ZC3H4: variants seen among roughly 807,000 people sequenced by gnomAD.
ZC3H4 encodes zinc finger CCCH-type containing 4, also known as zinc finger CCCH domain-containing protein 4.
ZC3H4 carries 13 observed loss-of-function variants against 108.3 expected under a neutral mutation model. That is an observed-to-expected ratio of 0.12 (90% CI 0.08 to 0.19). The LOEUF is 0.19. Among genes scored for constraint, ZC3H4 ranks in the 10% least tolerant of loss-of-function variants. The pLI is 1.00. For synonymous variants in ZC3H4, 917 were observed against 749.6 expected, an observed-to-expected ratio of 1.22 and a Z score of -3.65; for missense variants, 1,734 against 1,838.8, an observed-to-expected ratio of 0.94 and a Z score of 1.04.
intron 5 of ZC3H4, 38 bp downstream of exon 5, chr19:47,089,911 GGTTGGCCCGGGTGGCTCC>G: frequency 6.3e-7 from 1 of 1,587,620 alleles, no homozygotes; most frequent in South Asian, 1.1e-5. Context: ...AGGCCACCGG[GGTTGGCCCGGGTGGCTCC>G]GATGCCCCAG....
In ZC3H4 at chr19:47,075,738, C is replaced by T. The variant is rs996382125; in HGVS notation, c.1441-3025G>A. ...AAGGCACAGAGATTTATTGAGTGAA[C>T]GACTAAGCAAGGAACACAAACCAAT... On this transcript the variant is annotated intron_variant, in intron 11 of 14. Transcript: ENST00000253048. Among the ~76,000 whole-genome samples the T allele has an allele frequency of 4.6e-5, 7 of 152,288 alleles. No individual in the cohort carries two copies. The South Asian group carries it at 6.2e-4, about 14-fold the overall frequency.
Position 47,066,283 on chromosome 19 carries a change from A to C in ZC3H4, c.*73T>G. The C allele has an allele frequency of 7.8e-7, 1 of 1,288,800 alleles. No homozygotes were observed. Among genetic ancestry groups the C allele is most frequent in the Non-Finnish European group, 1.0e-6 (1 of 983,100 alleles). The allele number at this position is 1,288,800 out of a possible 1,614,324, so 79.8% of individuals were successfully genotyped here. On this transcript the variant is annotated 3_prime_UTR_variant, in exon 15 of 15. Coordinates refer to ENST00000253048, the MANE Select transcript of ZC3H4 (RefSeq NM_015168.2). ...CCCAGCCTGCCTCCCCTTGCCCCCA[A>C]GTTCCCTACCCTGGGTGCTGCCCTG...
intron 2 of ZC3H4, among the ~76,000 whole-genome samples, chr19:47,107,194 A>G (rs1268028345): frequency 6.6e-6 from 1 of 152,212 alleles, no homozygotes; most frequent in Non-Finnish European, 1.5e-5. Context: ...CCAGAACCCT[A>G]AGAGATGAAA....
At chr19:47,074,552 T>A (rs2057384291) in intron 11 of ZC3H4, among the ~76,000 whole-genome samples, 1 of 152,176 alleles carries the variant, frequency 6.6e-6, no homozygotes, top group Non-Finnish European at 1.5e-5. Flanking sequence ...TCGGCTGGTG[T>A]CTGGGAAGCT....
chr19:47,104,062 T>C (rs1400888524), intron 2 of ZC3H4, among the ~76,000 whole-genome samples: 6 of 152,198 alleles, frequency 3.9e-5, no homozygotes, highest in Non-Finnish European at 5.9e-5. Context: ...CTCACGCCTG[T>C]AATCCCAGCA....
intron 14 of ZC3H4, 107 bp downstream of exon 14, chr19:47,068,985 C>A: frequency 6.4e-7 from 1 of 1,564,224 alleles, no homozygotes; most frequent in South Asian, 1.2e-5. Flanking sequence ...CCTCCCTAGC[C>A]ATGGGCTCCT....
chr19:47,094,676 G>C, intron 2 of ZC3H4, 68 bp from the exon 3 acceptor site: 1 of 1,540,602 alleles, frequency 6.5e-7, no homozygotes, highest in South Asian at 1.2e-5. Flanking sequence ...GCTCTGGGCT[G>C]GCCAAGGCTG....
intron 11 of ZC3H4, among the ~76,000 whole-genome samples, chr19:47,076,169 G>T (rs756585691): frequency 6.6e-6 from 1 of 152,174 alleles, no homozygotes; most frequent in African/African-American, 2.4e-5. Context: ...GTCCTTCAAC[G>T]GATGACTGGA....
chr19:47,084,952 G>T lies in ZC3H4; in HGVS notation c.1107+104C>A, dbSNP rs981326126. 7.4e-6 allele frequency: 11 copies of T among 1,493,652 alleles called. No individual in the cohort carries two copies. The African/African-American group carries it at 9.6e-5, about 13-fold the overall frequency. The allele number at this position is 1,493,652 out of a possible 1,614,324, so 92.5% of individuals were successfully genotyped here. A position where few individuals can be genotyped will look rare whatever the true frequency, so the allele number is the denominator to read the frequency against. ...ACACTGGCCAGCCCTTTGGGGGGTG[G>T]CTGATGGCAGCAAGGATCAGCTTCA... On this transcript the variant is annotated intron_variant, in intron 8 of 14. Transcript: ENST00000253048.
At chr19:47,069,037 C>G in intron 14 of ZC3H4, 55 bp downstream of exon 14, 1 of 1,598,416 alleles carries the variant, frequency 6.3e-7, no homozygotes, top group Non-Finnish European at 8.5e-7. Flanking sequence ...ACCACCGCCG[C>G]TCCCCTGCAC....
intron 5 of ZC3H4, 115 bp downstream of exon 5, chr19:47,089,852 G>T: frequency 9.4e-7 from 1 of 1,062,842 alleles, no homozygotes; most frequent in Non-Finnish European, 1.4e-6. Flanking sequence ...GCCCTTCTTT[G>T]TACACTTATC....
At chr19:47,099,865 A>G (rs1369900257) in intron 2 of ZC3H4, among the ~76,000 whole-genome samples, 1 of 150,884 alleles carries the variant, frequency 6.6e-6, no homozygotes, top group African/African-American at 2.4e-5. Flanking sequence ...AACACAAAAG[A>G]TGGAAACTCA....
chr19:47,087,714 C>T (rs1472379034), intron 5 of ZC3H4, among the ~76,000 whole-genome samples: 1 of 151,888 alleles, frequency 6.6e-6, no homozygotes, highest in Non-Finnish European at 1.5e-5. Context: ...CCCATCTCTA[C>T]TAAAAATAAA....
chr19:47,100,992 G>A (rs569241066), intron 2 of ZC3H4, among the ~76,000 whole-genome samples: 9 of 151,982 alleles, frequency 5.9e-5, no homozygotes, highest in South Asian at 2.1e-4. Flanking sequence ...GCCAACACAC[G>A]CGGCCTGTAG....
chr19:47,095,986 C>A (rs1052807260), intron 2 of ZC3H4, among the ~76,000 whole-genome samples: 1 of 152,178 alleles, frequency 6.6e-6, no homozygotes, highest in Non-Finnish European at 1.5e-5. Flanking sequence ...ATGTATTAGG[C>A]GTGCTTGCCT....
intron 2 of ZC3H4, among the ~76,000 whole-genome samples, chr19:47,110,568 G>C (rs141127922): frequency 2.0e-3 from 303 of 152,286 alleles, no homozygotes; most frequent in African/African-American, 6.8e-3. Context: ...CTAAAGGCGA[G>C]GAGGAAGGCA....
At chr19:47,076,290 A>C (rs1354960008) in intron 11 of ZC3H4, among the ~76,000 whole-genome samples, 1 of 151,776 alleles carries the variant, frequency 6.6e-6, no homozygotes, top group Non-Finnish European at 1.5e-5. Flanking sequence ...AAGTGCAAGA[A>C]GCCAGACTCA....
chr19:47,097,658 T>C (rs1024852632), intron 2 of ZC3H4, among the ~76,000 whole-genome samples: 3 of 152,208 alleles, frequency 2.0e-5, no homozygotes, highest in African/African-American at 7.2e-5. Flanking sequence ...GTTTCAGCGA[T>C]GCCACTTAAC....
intron 13 of ZC3H4, 50 bp downstream of exon 13, chr19:47,071,728 A>C: frequency 6.5e-7 from 1 of 1,530,126 alleles, no homozygotes; most frequent in Non-Finnish European, 8.8e-7. Context: ...ACTCTGCTCC[A>C]CTGGGTAAAG....
Sources: allele counts gnomAD v4.1 joint callset (sites outside exome capture counted in the v4.1 genomes callset), GRCh38; gene constraint gnomAD v4.1.1; transcripts MANE v1.5; gene names NCBI Gene and HGNC (gene_info 2026-07-23, HGNC 2026-07-21).